The following DNAH11 variants were observed in gnomAD, a reference collection of about 807,000 sequenced individuals.
The protein encoded by DNAH11 is dynein axonemal heavy chain 11, also known as axonemal beta dynein heavy chain 11.
In DNAH11, 442 loss-of-function variants were observed where a neutral mutation model predicts 526.0. That is an observed-to-expected ratio of 0.84 (90% CI 0.78 to 0.91). The LOEUF (loss-of-function observed/expected upper bound fraction) is 0.91, where lower values mean the gene tolerates loss of function less well. Ranked by LOEUF, DNAH11 falls within the 40% of genes least tolerant of loss-of-function variation. The pLI, the probability that DNAH11 is intolerant of heterozygous loss-of-function variation, is 0.00. For missense variants in DNAH11, 6,989 were observed against 5,448.7 expected (o/e 1.28, Z -8.90); for synonymous variants, 2,461 against 1,935.9 (o/e 1.27, Z -7.12).
intron 3 of DNAH11, 55 bp downstream of exon 3, chr7:21,559,053 G>C: frequency 6.9e-7 from 1 of 1,453,406 alleles, no homozygotes; most frequent in Non-Finnish European, 9.3e-7. Context: ...AGGCCAGCAC[G>C]GTGGCTCATG....
chr7:21,665,344 T>C (rs556316440), intron 30 of DNAH11, among the ~76,000 whole-genome samples: 4 of 152,282 alleles, frequency 2.6e-5, no homozygotes, highest in South Asian at 4.1e-4. Context: ...TGCTTTTCCA[T>C]TTTTGGTTAT....
chr7:21,837,756 T>C (rs1015868503), intron 65 of DNAH11, among the ~76,000 whole-genome samples: 7 of 152,184 alleles, frequency 4.6e-5, no homozygotes, highest in Non-Finnish European at 8.8e-5. Flanking sequence ...GAATACGTTC[T>C]GGTGTTCTGT....
chr7:21,735,769 T>A lies in DNAH11; in HGVS notation c.7570T>A (p.Leu2524Met), dbSNP rs2072220. Residue 2524 changes from leucine (L) to methionine (M), a missense_variant, in exon 46 of 82, where the codon TTG becomes ATG. Transcript: ENST00000409508. Reference protein sequence around the residue: ...VGKTVFVGDTLASLSEDYIVS... With the variant: ...VGKTVFVGDTMASLSEDYIVS... ...AAAAACAGTCTTTGTAGGTGACACA[T>A]TGGCAAGTCTCTCTGAGGATTACAT... 5.0e-5 allele frequency: 80 copies of A among 1,613,878 alleles called. 2 individuals carry two copies. In the South Asian group the frequency reaches 8.8e-4, roughly 18 times the overall value.
At chr7:21,875,125 T>C (rs1012269028) in intron 74 of DNAH11, among the ~76,000 whole-genome samples, 3 of 152,182 alleles carry the variant, frequency 2.0e-5, no homozygotes, top group Admixed American at 6.5e-5. Context: ...ACACACAAGA[T>C]TGTGTAAATA....
chr7:21,892,214 G>A (rs1486407113), intron 76 of DNAH11, among the ~76,000 whole-genome samples: 1 of 152,148 alleles, frequency 6.6e-6, no homozygotes, highest in Non-Finnish European at 1.5e-5. Flanking sequence ...TTAGGGATAG[G>A]ATTAATGTGT....
At chr7:21,854,196 C>T in intron 67 of DNAH11, 119 bp from the exon 68 acceptor site, 2 of 982,062 alleles carry the variant, frequency 2.0e-6, no homozygotes, top group Non-Finnish European at 2.9e-6. Context: ...GGATGCCATG[C>T]ATGTTATCTA....
At chr7:21,767,429 A>G (rs1787228506) in intron 55 of DNAH11, among the ~76,000 whole-genome samples, 1 of 152,208 alleles carries the variant, frequency 6.6e-6, no homozygotes, top group South Asian at 2.1e-4. Flanking sequence ...GAAAACAGCT[A>G]AAGGAGTTTG....
At chr7:21,777,299 A>G (rs1303261174) in intron 56 of DNAH11, among the ~76,000 whole-genome samples, 1 of 152,156 alleles carries the variant, frequency 6.6e-6, no homozygotes, top group Non-Finnish European at 1.5e-5. Flanking sequence ...CCACAGAATG[A>G]AGGTAGCACA....
chr7:21,702,743 T>A lies in DNAH11; in HGVS notation c.6214T>A (p.Ser2072Thr). 1 of 1,613,768 alleles carries A rather than the reference T, an allele frequency of 6.2e-7. No homozygotes were observed. The highest frequency in any genetic ancestry group is 8.5e-7 in the Non-Finnish European group (1 of 1,179,786). The change falls in exon 37 of 82, where the codon TCT becomes ACT. Residue 2072 changes from serine to threonine, a missense_variant. Physicochemically the swap from Ser to Thr is moderately conservative, Grantham distance 58. Coordinates refer to ENST00000409508, the MANE Select transcript of DNAH11 (RefSeq NM_001277115.2). ...CGACTGGGGACTTCGTGCTATTAAG[T>A]CTGTCTTGGTTGTGGCTGGATCTCT... ...HYDWGLRAIK[S>T]VLVVAGSLKR...
chr7:21,690,879 C>G lies in DNAH11; in HGVS notation c.6039C>G (p.Phe2013Leu), dbSNP rs965811215. 1.2e-6 allele frequency: 2 copies of G among 1,610,128 alleles called. No homozygotes were observed. The highest frequency in any genetic ancestry group is 2.7e-5 in the African/African-American group (2 of 74,814). Reference sequence around the variant, plus strand: ...TACCGGAAAATCTCAAAGCTCTTTTCAGGCAAGTGTTATGCTTTGTGGCTT... The same window carrying G: ...TACCGGAAAATCTCAAAGCTCTTTTGAGGCAAGTGTTATGCTTTGTGGCTT... ...TELPENLKAL[F>L]RPCAMVAPDI... is the part of the protein sequence containing the mutation. Residue 2013 changes from phenylalanine (F) to leucine (L), a missense_variant and splice_region_variant, in exon 35 of 82, where the codon TTC (phenylalanine) becomes TTG (leucine). By Grantham distance (22) the Phe-to-Leu change is conservative. Coordinates refer to ENST00000409508, the MANE Select transcript of DNAH11 (RefSeq NM_001277115.2).
chr7:21,866,676 G>A lies in DNAH11; in HGVS notation c.11690+13G>A. On this transcript the variant is annotated intron_variant, in intron 71 of 81. Coordinates refer to ENST00000409508, the MANE Select transcript of DNAH11 (RefSeq NM_001277115.2). ...CGTATGCTCTCAGGTGGGGTGGTCAGCATTTTTGGAAACATGTATTAGTTA... is the reference window on the plus strand; with the variant it reads ...CGTATGCTCTCAGGTGGGGTGGTCAACATTTTTGGAAACATGTATTAGTTA... 6.3e-7 allele frequency: 1 copy of A among 1,595,612 alleles called. No individual in the cohort carries two copies.
At chr7:21,676,965 C>G (rs1265043179) in intron 30 of DNAH11, among the ~76,000 whole-genome samples, 1 of 152,150 alleles carries the variant, frequency 6.6e-6, no homozygotes, top group Non-Finnish European at 1.5e-5. Context: ...CATTGAGCAC[C>G]CACACTCTGA....
chr7:21,873,628 A>G (rs891412209), intron 74 of DNAH11, 127 bp downstream of exon 74: 1 of 870,536 alleles, frequency 1.1e-6, no homozygotes, highest in Non-Finnish European at 1.8e-6. Context: ...CGCATGTGGA[A>G]GGGTAGGGGT....
chr7:21,813,040 C>T (rs931633395), intron 63 of DNAH11, among the ~76,000 whole-genome samples: 1 of 152,120 alleles, frequency 6.6e-6, no homozygotes, highest in Non-Finnish European at 1.5e-5. Context: ...AACCATGGGG[C>T]ATGAGTTTGA....
intron 56 of DNAH11, among the ~76,000 whole-genome samples, chr7:21,777,979 A>G (rs181593508): frequency 1.3e-5 from 2 of 152,300 alleles, no homozygotes; most frequent in East Asian, 3.9e-4. Flanking sequence ...CTTTGCTGCT[A>G]TGATTTTTTA....
chr7:21,871,090 C>T (rs182171235), intron 73 of DNAH11, among the ~76,000 whole-genome samples: 143 of 152,162 alleles, frequency 9.4e-4, no homozygotes, highest in Non-Finnish European at 1.6e-3. Context: ...TTACCTAAGC[C>T]CCAATGTGAT....
chr7:21,589,680 C>T (rs1391330947), intron 12 of DNAH11, among the ~76,000 whole-genome samples: 1 of 152,080 alleles, frequency 6.6e-6, no homozygotes, highest in Non-Finnish European at 1.5e-5. Context: ...CATCTTTATG[C>T]TCTATGTTTC....
In DNAH11 at chr7:21,617,954, T is replaced by G. The variant is rs10950862; in HGVS notation, c.4254+177T>G. 0.27 allele frequency among the ~76,000 whole-genome samples: 41,111 copies of G among 152,106 alleles called. 6,501 individuals carry two copies. Among genetic ancestry groups the G allele is most frequent in the Non-Finnish European group, 0.36 (24,138 of 67,956 alleles). ...AAGTCGCCTGATCCGACCAACAATT[T>G]AGAAAAAGGCACCCTCCTCCAGGCT... On this transcript the variant is annotated intron_variant, in intron 23 of 81. Coordinates refer to ENST00000409508, the MANE Select transcript of DNAH11 (RefSeq NM_001277115.2).
chr7:21,873,813 C>T (rs530661874), intron 74 of DNAH11, among the ~76,000 whole-genome samples: 146 of 26,822 alleles, frequency 5.4e-3, no homozygotes, highest in African/African-American at 0.017. Flanking sequence ...TTTTTTGAGA[C>T]GGAATCTCAC....
Sources: gnomAD v4.1 joint callset for allele counts (sites outside exome capture counted in the v4.1 genomes callset) on GRCh38, gnomAD v4.1.1 for gene constraint, MANE v1.5 for transcripts, NCBI Gene and HGNC (gene_info 2026-07-23, HGNC 2026-07-21) for gene names.